The following TRIM33 variants were observed in gnomAD, a reference collection of about 807,000 sequenced individuals.
The protein encoded by TRIM33 is tripartite motif containing 33, also known as E3 ubiquitin-protein ligase TRIM33.
A neutral mutation model predicts 125.4 loss-of-function variants in TRIM33; 20 were observed. The ratio of observed to expected loss-of-function variants is 0.16; its 90% CI spans 0.11 to 0.23. TRIM33 has a LOEUF of 0.23. TRIM33 is among the 10% of genes least tolerant of loss of function. TRIM33 has a pLI of 1.00. For missense variants in TRIM33, 920 were observed against 1,411.4 expected (o/e 0.65, Z 5.58); for synonymous variants, 564 against 513.9 (o/e 1.10, Z -1.32).
At chr1:114,461,229 T>C (rs912916895) in intron 4 of TRIM33, among the ~76,000 whole-genome samples, 9 of 146,402 alleles carry the variant, frequency 6.1e-5, no homozygotes, top group Non-Finnish European at 9.0e-5. Context: ...TATATATATA[T>C]ATATATACAT....
At chr1:114,457,805 G>C (rs1649711260) in intron 4 of TRIM33, among the ~76,000 whole-genome samples, 1 of 152,154 alleles carries the variant, frequency 6.6e-6, no homozygotes, top group Non-Finnish European at 1.5e-5. Context: ...GATTACAGAA[G>C]GTAAAAAATC....
At chr1:114,435,872 A>T (rs927898334) in intron 4 of TRIM33, among the ~76,000 whole-genome samples, 7 of 82,628 alleles carry the variant, frequency 8.5e-5, no homozygotes, top group African/African-American at 3.1e-4. Flanking sequence ...GACTATAGAC[A>T]CCCGCTTTTT....
intron 18 of TRIM33, among the ~76,000 whole-genome samples, 160 bp downstream of exon 18, chr1:114,399,297 A>G (rs1386424845): frequency 6.6e-6 from 1 of 152,080 alleles, no homozygotes; most frequent in Non-Finnish European, 1.5e-5. Flanking sequence ...ATACACAATA[A>G]ATTTTCTTCA....
chr1:114,414,634 A>G (rs915068448), intron 11 of TRIM33, among the ~76,000 whole-genome samples: 3 of 152,146 alleles, frequency 2.0e-5, no homozygotes, highest in African/African-American at 7.2e-5. Context: ...ATGCCTTACA[A>G]TTTCCCCTTT....
At chr1:114,453,550 T>G (rs1649458813) in intron 4 of TRIM33, among the ~76,000 whole-genome samples, 1 of 152,052 alleles carries the variant, frequency 6.6e-6, no homozygotes, top group Admixed American at 6.5e-5. Context: ...CAAAGAGAGA[T>G]CTAGCCTTTG....
chr1:114,406,917 T>C (rs745921945), intron 14 of TRIM33, 24 bp downstream of exon 14: 1 of 1,610,466 alleles, frequency 6.2e-7, no homozygotes, highest in East Asian at 2.2e-5. Context: ...CTTAAGTCCC[T>C]GTCAGACTCC....
chr1:114,507,694 A>G (rs1313716463), intron 1 of TRIM33, among the ~76,000 whole-genome samples: 2 of 152,242 alleles, frequency 1.3e-5, no homozygotes, highest in East Asian at 1.9e-4. Flanking sequence ...TAAAATAGCT[A>G]AAGAGCTGAA....
At chr1:114,489,126 C>A (rs767756016) in intron 1 of TRIM33, among the ~76,000 whole-genome samples, 5 of 152,160 alleles carry the variant, frequency 3.3e-5, no homozygotes, top group Admixed American at 6.5e-5. Flanking sequence ...CAGGAAAACA[C>A]CCTCACATTT....
chr1:114,465,977 G>T (rs1002591850), intron 1 of TRIM33, among the ~76,000 whole-genome samples: 1 of 151,770 alleles, frequency 6.6e-6, no homozygotes, highest in East Asian at 1.9e-4. Context: ...CGGGAGGTGG[G>T]GGTTGCAGTG....
chr1:114,481,610 CA>C (rs920122793), intron 1 of TRIM33, among the ~76,000 whole-genome samples: 9 of 125,768 alleles, frequency 7.2e-5, no homozygotes, highest in Admixed American at 2.4e-4. Flanking sequence ...CCAAGAAAAA[CA>C]AAAAAAAAGA....
intron 11 of TRIM33, among the ~76,000 whole-genome samples, chr1:114,413,080 G>T (rs1186127593): frequency 6.6e-6 from 1 of 152,140 alleles, no homozygotes; most frequent in Non-Finnish European, 1.5e-5. Context: ...TCTCACTGTG[G>T]TTTTAACTTG....
intron 4 of TRIM33, among the ~76,000 whole-genome samples, chr1:114,459,637 T>C (rs1385650148): frequency 1.3e-5 from 2 of 152,118 alleles, no homozygotes; most frequent in Non-Finnish European, 1.5e-5. Context: ...TGTCTAGTGG[T>C]ACACATCTCT....
chr1:114,402,970 A>G, intron 15 of TRIM33, 87 bp from the exon 16 acceptor site: 1 of 1,276,262 alleles, frequency 7.8e-7, no homozygotes, highest in Non-Finnish European at 1.0e-6. Flanking sequence ...GGCCTGGTTT[A>G]TTTTCTTAAT....
intron 4 of TRIM33, among the ~76,000 whole-genome samples, chr1:114,449,662 G>T (rs562767962): frequency 1.3e-5 from 2 of 150,864 alleles, no homozygotes; most frequent in South Asian, 4.2e-4. Flanking sequence ...AGAGAGTGTG[G>T]TCTTAAAAGT....
chr1:114,456,440 G>A (rs896714094), intron 4 of TRIM33, among the ~76,000 whole-genome samples: 3 of 152,182 alleles, frequency 2.0e-5, no homozygotes, highest in Non-Finnish European at 4.4e-5. Context: ...GGCTCATGGA[G>A]ACTAACAGTG....
intron 4 of TRIM33, among the ~76,000 whole-genome samples, chr1:114,436,721 T>A (rs1379483171): frequency 2.6e-5 from 4 of 152,070 alleles, no homozygotes; most frequent in Admixed American, 2.6e-4. Context: ...CACCTCGACC[T>A]CCCAAAGTGC....
At chr1:114,452,615 G>A (rs1256731118) in intron 4 of TRIM33, among the ~76,000 whole-genome samples, 1 of 151,792 alleles carries the variant, frequency 6.6e-6, no homozygotes, top group Non-Finnish European at 1.5e-5. Flanking sequence ...AGAGATGGGA[G>A]CTGGGTGCAG....
At chr1:114,452,303 T>C (rs757136817) in intron 4 of TRIM33, among the ~76,000 whole-genome samples, 3 of 151,962 alleles carry the variant, frequency 2.0e-5, no homozygotes, top group East Asian at 1.9e-4. Flanking sequence ...CTACTAAAAA[T>C]ACAAAAAGTA....
At chr1:114,441,277 CAGA>C (rs968834718) in intron 4 of TRIM33, among the ~76,000 whole-genome samples, 26 of 152,308 alleles carry the variant, frequency 1.7e-4, no homozygotes, top group Middle Eastern at 6.8e-3. Flanking sequence ...GCCTTGGTGA[CAGA>C]GTGAGACCTC....
Sources: allele counts gnomAD v4.1 joint callset (sites outside exome capture counted in the v4.1 genomes callset), GRCh38; gene constraint gnomAD v4.1.1; transcripts MANE v1.5; gene names NCBI Gene and HGNC (gene_info 2026-07-23, HGNC 2026-07-21).